Variants in ZNF571 observed in about 807,000 individuals in gnomAD.
ZNF571 encodes the protein zinc finger protein 571.
A neutral mutation model predicts 7.7 loss-of-function variants in ZNF571; 4 were observed. The observed-to-expected ratio is 0.52, with a 90% CI of 0.25 to 1.18. The LOEUF (loss-of-function observed/expected upper bound fraction) is 1.18, where lower values mean the gene tolerates loss of function less well. Ranked by LOEUF, ZNF571 falls within the 50% of genes most tolerant of loss-of-function variation. The pLI is 0.14. For missense variants in ZNF571, 704 were observed against 726.9 expected, an observed-to-expected ratio of 0.97 and a Z score of 0.36; for synonymous variants, 251 against 232.4, an observed-to-expected ratio of 1.08 and a Z score of -0.73.
Position 37,564,749 on chromosome 19 carries a change from C to T in ZNF571, c.1679G>A (p.Cys560Tyr). Residue 560 changes from cysteine (C) to tyrosine (Y), a missense_variant, in exon 4 of 4, where the codon TGT becomes TAT. By Grantham distance (194) the Cys-to-Tyr change is radical. Transcript: ENST00000451802. ...RTHTGEKPYE[C>Y]KECGRAFSRG... ...ACTAAAGGCCCTCCCACATTCCTTA[C>T]ATTCATAGGGTTTCTCTCCAGTATG... is the stretch of plus-strand genomic sequence containing the variant. The T allele has an allele frequency of 6.2e-7, 1 of 1,613,820 alleles. No individual in the cohort carries two copies. The highest frequency in any genetic ancestry group is 8.5e-7 in the Non-Finnish European group (1 of 1,179,784).
intron 1 of ZNF571, among the ~76,000 whole-genome samples, chr19:37,587,628 A>G (rs1247222252): frequency 1.3e-5 from 2 of 151,432 alleles, no homozygotes; most frequent in African/African-American, 4.9e-5. Context: ...TCTTGCATAC[A>G]TGTATAATCC....
intron 3 of ZNF571, chr19:37,567,541 C>T (rs2147155384): frequency 6.6e-6 from 1 of 152,330 alleles, no homozygotes; most frequent in Middle Eastern, 3.4e-3. Context: ...TGAGCCACTA[C>T]TATCTTCAGA....
Position 37,566,169 on chromosome 19 carries a change from C to T in ZNF571, c.259G>A (p.Gly87Arg). ...INHHLQYNGL[G>R]DNMECKGNLE... Reference sequence around the variant, plus strand: ...TTGCCTTTGCACTCCATATTGTCTCCAAGACCATTGTATTGAAGGTGATGG... The same window carrying T: ...TTGCCTTTGCACTCCATATTGTCTCTAAGACCATTGTATTGAAGGTGATGG... Residue 87 changes from glycine to arginine, a missense_variant, in exon 4 of 4, where the codon GGA becomes AGA. By Grantham distance (125) the Gly-to-Arg change is moderately radical (BLOSUM62 -2). Coordinates refer to ENST00000451802, the MANE Select transcript of ZNF571 (RefSeq NM_016536.5). 1.9e-6 allele frequency: 3 copies of T among 1,614,006 alleles called. No individual in the cohort carries two copies. The highest frequency in any genetic ancestry group is 1.3e-5 in the African/African-American group (1 of 75,022).
intron 3 of ZNF571, among the ~76,000 whole-genome samples, chr19:37,582,582 T>C (rs1345729189): frequency 6.6e-6 from 1 of 152,184 alleles, no homozygotes; most frequent in Non-Finnish European, 1.5e-5. Context: ...TCTTCAGTCC[T>C]GACTATCCCC....
intron 3 of ZNF571, among the ~76,000 whole-genome samples, chr19:37,579,284 T>C (rs2043359906): frequency 6.6e-6 from 1 of 152,204 alleles, no homozygotes; most frequent in South Asian, 2.1e-4. Context: ...GTGGGCCAGC[T>C]AGGGGCCTGG....
rs1445233764 is a variant in ZNF571 at position 37,569,790 on chromosome 19, G to T, written c.137-3499C>A. On this transcript the variant is annotated intron_variant, in intron 3 of 3. Coordinates refer to ENST00000451802, the MANE Select transcript of ZNF571 (RefSeq NM_016536.5). This position sits in a 1 kb window ranked among gnomAD's most constrained non-coding sequence, Gnocchi z 4.4. ...CTGCAGTACACTGTTACTTCTGCTAGGAATGCTCTTCCCTCTTCTCTCTAT... is the reference window on the plus strand; with the variant it reads ...CTGCAGTACACTGTTACTTCTGCTATGAATGCTCTTCCCTCTTCTCTCTAT... The T allele has an allele frequency of 6.6e-6, 1 of 152,292 alleles. No homozygotes were observed. The highest frequency in any genetic ancestry group is 2.4e-5 in the African/African-American group (1 of 41,402). 9.4% of individuals were successfully genotyped at this position (152,292 alleles called of 1,614,324 possible).
intron 1 of ZNF571, chr19:37,594,530 C>T (rs1262656780): frequency 6.6e-6 from 1 of 152,286 alleles, no homozygotes; most frequent in African/African-American, 2.4e-5. Context: ...GCACCACACC[C>T]CCGCCACTGC....
intron 1 of ZNF571, among the ~76,000 whole-genome samples, chr19:37,590,788 G>A (rs1474616259): frequency 3.3e-5 from 5 of 152,104 alleles, no homozygotes; most frequent in Non-Finnish European, 7.4e-5. Context: ...AATGCTATGT[G>A]AGTACTGATT....
intron 1 of ZNF571, among the ~76,000 whole-genome samples, chr19:37,593,176 T>G (rs2043917818): frequency 1.3e-5 from 2 of 152,186 alleles, no homozygotes; most frequent in African/African-American, 4.8e-5. Context: ...TAAAATATAA[T>G]GTCCTTTTTG....
Position 37,565,472 on chromosome 19 carries a change from C to T in ZNF571, c.956G>A (p.Gly319Asp), listed in dbSNP as rs61744939. Reference sequence around the variant, plus strand: ...TCTCTGATGGTATGTAAGGTGTGAACCAAGAATAAAGGCCTTTCCACATTC... The same window carrying T: ...TCTCTGATGGTATGTAAGGTGTGAATCAAGAATAAAGGCCTTTCCACATTC... Reference protein sequence around the residue: ...CKECGKAFILGSHLTYHQRVH... With the variant: ...CKECGKAFILDSHLTYHQRVH... Residue 319 changes from glycine (G) to aspartate (D), a missense_variant, in exon 4 of 4, where the codon GGT becomes GAT. Transcript: ENST00000451802. 4.0e-3 allele frequency: 6,495 copies of T among 1,611,920 alleles called. 223 individuals are homozygous for T. In the African/African-American group the frequency reaches 0.076, roughly 19 times the overall value.
At chr19:37,584,227 A>G in intron 2 of ZNF571, 130 bp from the exon 3 acceptor site, 2 of 1,218,574 alleles carry the variant, frequency 1.6e-6, no homozygotes, top group South Asian at 2.8e-5. Flanking sequence ...CCTAAACAGT[A>G]GTATTAACCT....
At position 37,565,928 on chromosome 19, in the gene ZNF571, G is replaced by A. The variant is rs752854508; in HGVS notation, c.500C>T (p.Ser167Phe). Residue 167 changes from serine (S) to phenylalanine (F), a missense_variant, in exon 4 of 4, where the codon TCT becomes TTT. By Grantham distance (155) the Ser-to-Phe change is radical (BLOSUM62 -2). Transcript: ENST00000451802. ...HEENHNIEKC[S>F]EVKKHRNTFS... Reference sequence around the variant, plus strand: ...GGTATTCCTGTGTTTCTTAACTTCAGAGCATTTTTCTATATTATGATTTTC... The same window carrying A: ...GGTATTCCTGTGTTTCTTAACTTCAAAGCATTTTTCTATATTATGATTTTC... 10 of 1,613,692 alleles carry A rather than the reference G, an allele frequency of 6.2e-6. No homozygotes were observed. The highest frequency in any genetic ancestry group is 7.6e-6 in the Non-Finnish European group (9 of 1,179,890).
intron 3 of ZNF571, among the ~76,000 whole-genome samples, chr19:37,576,313 C>T (rs892768060): frequency 6.6e-6 from 1 of 152,136 alleles, no homozygotes; most frequent in African/African-American, 2.4e-5. Context: ...TCATATAACT[C>T]TATAAACAAA....
intron 3 of ZNF571, 73 bp downstream of exon 3, chr19:37,583,898 G>A: frequency 2.0e-6 from 3 of 1,474,828 alleles, no homozygotes; most frequent in Non-Finnish European, 2.8e-6. Context: ...AGGGAATGGA[G>A]ATCAGAAATT....
At chr19:37,580,425 T>G (rs974359865) in intron 3 of ZNF571, among the ~76,000 whole-genome samples, 5 of 152,262 alleles carry the variant, frequency 3.3e-5, no homozygotes, top group African/African-American at 4.8e-5. Flanking sequence ...TTAGCTTGAC[T>G]TTCTTTCCAC....
chr19:37,564,980 A>G lies in ZNF571; in HGVS notation c.1448T>C (p.Phe483Ser). Residue 483 changes from phenylalanine (F) to serine (S), a missense_variant, in exon 4 of 4, where the codon TTT becomes TCT. Coordinates refer to ENST00000451802, the MANE Select transcript of ZNF571 (RefSeq NM_016536.5). The part of the protein sequence containing the change: ...HYECKECGKT[F>S]VRATQLTYHQ... ...ATATGTAAGTTGTGTAGCACGTACAAAGGTCTTCCCACATTCCTTACATTC... is the reference window on the plus strand; with the variant it reads ...ATATGTAAGTTGTGTAGCACGTACAGAGGTCTTCCCACATTCCTTACATTC... The G allele has an allele frequency of 1.2e-6, 2 of 1,613,860 alleles. No homozygotes were observed. Among genetic ancestry groups the G allele is most frequent in the Non-Finnish European group, 1.7e-6 (2 of 1,179,920 alleles).
intron 3 of ZNF571, among the ~76,000 whole-genome samples, chr19:37,571,510 A>T (rs561957788): frequency 6.6e-6 from 1 of 152,244 alleles, no homozygotes; most frequent in African/African-American, 2.4e-5. Context: ...AAACAAAAAC[A>T]AACAAAAAAA....
At chr19:37,571,373 G>A (rs1488906171) in intron 3 of ZNF571, among the ~76,000 whole-genome samples, 2 of 152,022 alleles carry the variant, frequency 1.3e-5, no homozygotes, top group Admixed American at 6.5e-5. Context: ...GCAGGCACCT[G>A]TAATCCCAGC....
chr19:37,575,279 T>A (rs532701764), intron 3 of ZNF571, among the ~76,000 whole-genome samples: 1 of 152,362 alleles, frequency 6.6e-6, no homozygotes, highest in South Asian at 2.1e-4. Context: ...GTACATTGTA[T>A]ATACATGTGT....
Sources: gnomAD v4.1 joint callset for allele counts (sites outside exome capture counted in the v4.1 genomes callset) on GRCh38, gnomAD v4.1.1 for gene constraint, Gnocchi (gnomAD v3.1) non-coding constraint, MANE v1.5 for transcripts, NCBI Gene and HGNC (gene_info 2026-07-23, HGNC 2026-07-21) for gene names.